SNTB1: variants seen among roughly 807,000 people sequenced by gnomAD.
SNTB1 encodes the protein syntrophin beta 1.
Under a neutral mutation model 48.9 loss-of-function variants are expected in SNTB1, and 36 were observed. That is an observed-to-expected ratio of 0.74 (90% CI 0.56 to 0.97). The LOEUF (loss-of-function observed/expected upper bound fraction) is 0.97, where lower values mean the gene tolerates loss of function less well. Ranked by LOEUF, SNTB1 falls within the 50% of genes least tolerant of loss-of-function variation. The probability of loss-of-function intolerance (pLI) is 0.00; values close to 1 mark genes in which losing one functional copy is unlikely to be tolerated. For synonymous variants in SNTB1, 299 were observed against 294.6 expected, an observed-to-expected ratio of 1.01 and a Z score of -0.15; for missense variants, 786 against 703.4, an observed-to-expected ratio of 1.12 and a Z score of -1.33.
intron 1 of SNTB1, among the ~76,000 whole-genome samples, chr8:120,753,256 G>A (rs2130040179): frequency 6.6e-6 from 1 of 152,260 alleles, no homozygotes; most frequent in Non-Finnish European, 1.5e-5. Flanking sequence ...CCACCCACAT[G>A]CTAGGTTCCT....
At chr8:120,754,270 A>AG (rs1819275321) in intron 1 of SNTB1, among the ~76,000 whole-genome samples, 1 of 152,134 alleles carries the variant, frequency 6.6e-6, no homozygotes, top group Non-Finnish European at 1.5e-5. Flanking sequence ...AGGCAGGTGG[A>AG]TTGCTTGAGT....
chr8:120,673,995 T>C (rs771213497), intron 2 of SNTB1, among the ~76,000 whole-genome samples: 18 of 152,292 alleles, frequency 1.2e-4, no homozygotes, highest in Middle Eastern at 3.4e-3. Context: ...GTGGCCATAG[T>C]TGGAGAATAT....
rs201321178 is a variant in SNTB1, at chr8:120,669,446, T to G, written c.788+24246A>C. On this transcript the variant is annotated intron_variant, in intron 2 of 6. Coordinates refer to ENST00000517992, the MANE Select transcript of SNTB1 (RefSeq NM_021021.4). The stretch of plus-strand genomic sequence containing the variant: ...TCTATTCAAAATGAAAATGCTTGTT[T>G]TTTTTTTTTTTTTTTTTGAGACGGA... Among the ~76,000 whole-genome samples, 2 of 34,934 alleles carry G rather than the reference T, an allele frequency of 5.7e-5. 1 individual carries two copies. Among genetic ancestry groups the G allele is most frequent in the Non-Finnish European group, 9.3e-5 (2 of 21,494 alleles). 22.9% of individuals were successfully genotyped at this position (34,934 alleles called of 152,430 possible). A position where few individuals can be genotyped will look rare whatever the true frequency, so the allele number is the denominator to read the frequency against.
At chr8:120,677,565 T>C (rs1482694389) in intron 2 of SNTB1, among the ~76,000 whole-genome samples, 1 of 152,130 alleles carries the variant, frequency 6.6e-6, no homozygotes, top group African/African-American at 2.4e-5. Flanking sequence ...TCTTAACACA[T>C]CTTCATGATA....
intron 1 of SNTB1, among the ~76,000 whole-genome samples, chr8:120,696,761 A>C (rs539869792): frequency 6.6e-6 from 1 of 152,328 alleles, no homozygotes; most frequent in East Asian, 1.9e-4. Flanking sequence ...TGATGCTCAG[A>C]ATTTTAGCTT....
At chr8:120,547,257 C>A (rs549346104) in intron 5 of SNTB1, among the ~76,000 whole-genome samples, 2 of 152,146 alleles carry the variant, frequency 1.3e-5, no homozygotes, top group South Asian at 4.1e-4. Flanking sequence ...TTTTAAAATG[C>A]TGGTCTTGCC....
Position 120,536,145 on chromosome 8 carries a change from T to C in SNTB1, c.*2732A>G, listed in dbSNP as rs1815198700. The C allele has an allele frequency of 6.6e-6, 1 of 152,226 alleles. No homozygotes were observed. The highest frequency in any genetic ancestry group is 1.5e-5 in the Non-Finnish European group (1 of 68,036). 9.4% of individuals were successfully genotyped at this position (152,226 alleles called of 1,614,324 possible). ...TCAGAGAAAGAAAAACCAATATCTATATTCCTATTGGCCTTCTTTAAATCC... is the reference window on the plus strand; with the variant it reads ...TCAGAGAAAGAAAAACCAATATCTACATTCCTATTGGCCTTCTTTAAATCC... On this transcript the variant is annotated 3_prime_UTR_variant, in exon 7 of 7. Coordinates refer to ENST00000517992, the MANE Select transcript of SNTB1 (RefSeq NM_021021.4).
At chr8:120,719,989 T>C (rs1365801916) in intron 1 of SNTB1, among the ~76,000 whole-genome samples, 1 of 152,238 alleles carries the variant, frequency 6.6e-6, no homozygotes, top group East Asian at 1.9e-4. Context: ...AATTTTATAC[T>C]TCCTTCCAGG....
intron 1 of SNTB1, among the ~76,000 whole-genome samples, chr8:120,729,510 G>A (rs1818817734): frequency 6.6e-6 from 1 of 152,202 alleles, no homozygotes; most frequent in African/African-American, 2.4e-5. Flanking sequence ...AAATATTCTG[G>A]AAGAGACTGT....
Position 120,538,424 on chromosome 8 carries a change from C to A in SNTB1, c.*453G>T. The A allele has an allele frequency of 5.0e-6, 1 of 200,024 alleles. No homozygotes were observed. Among genetic ancestry groups the A allele is most frequent in the East Asian group, 1.1e-4 (1 of 9,460 alleles). The allele number at this position is 200,024 out of a possible 1,614,324, so 12.4% of individuals were successfully genotyped here. On this transcript the variant is annotated 3_prime_UTR_variant, in exon 7 of 7. Transcript: ENST00000517992. ...TCAGCAAGAATTAGGAAATAAATCA[C>A]AATAAGAAAAGGGATCACTGTTACT... is the stretch of plus-strand genomic sequence containing the variant.
intron 2 of SNTB1, chr8:120,654,925 A>C: frequency 2.2e-6 from 1 of 455,360 alleles, no homozygotes; most frequent in Non-Finnish European, 4.4e-6. Flanking sequence ...GAAACTAGTC[A>C]GGAGGATGAA....
chr8:120,763,811 GC>G (rs1819468692), intron 1 of SNTB1, among the ~76,000 whole-genome samples: 1 of 148,130 alleles, frequency 6.8e-6, no homozygotes. Context: ...TATTATGTGA[GC>G]AAACACCAAA....
At chr8:120,771,378 G>A (rs1819625286) in intron 1 of SNTB1, among the ~76,000 whole-genome samples, 1 of 152,184 alleles carries the variant, frequency 6.6e-6, no homozygotes, top group African/African-American at 2.4e-5. Flanking sequence ...GAAGAAAAAT[G>A]CACCTGACAA....
intron 3 of SNTB1, among the ~76,000 whole-genome samples, chr8:120,618,724 T>C (rs1323562914): frequency 6.6e-6 from 1 of 152,250 alleles, no homozygotes; most frequent in Non-Finnish European, 1.5e-5. Flanking sequence ...TTCTGGTTTC[T>C]GGCTGTTGGA....
intron 6 of SNTB1, among the ~76,000 whole-genome samples, chr8:120,540,517 G>C (rs1015903976): frequency 2.0e-5 from 3 of 152,160 alleles, no homozygotes; most frequent in African/African-American, 7.2e-5. Context: ...TTTCCACTTT[G>C]CTAGAGAGTA....
intron 1 of SNTB1, among the ~76,000 whole-genome samples, chr8:120,792,100 A>G (rs561126525): frequency 7.5e-6 from 1 of 133,928 alleles, no homozygotes; most frequent in East Asian, 2.0e-4. Flanking sequence ...GTACTAAAGA[A>G]GCACACACAC....
intron 1 of SNTB1, among the ~76,000 whole-genome samples, chr8:120,716,715 A>G (rs1818564422): frequency 6.6e-6 from 1 of 152,220 alleles, no homozygotes. Context: ...AGAGGAACTA[A>G]GCATCACACT....
intron 2 of SNTB1, among the ~76,000 whole-genome samples, chr8:120,690,418 C>A (rs1010695231): frequency 6.6e-6 from 1 of 152,098 alleles, no homozygotes; most frequent in Non-Finnish European, 1.5e-5. Flanking sequence ...CTGTCTATTT[C>A]TTCTTGCATC....
chr8:120,803,958 A>T (rs1820279949), intron 1 of SNTB1, among the ~76,000 whole-genome samples: 2 of 152,164 alleles, frequency 1.3e-5, no homozygotes, highest in African/African-American at 4.8e-5. Context: ...TACCTTTTGT[A>T]ATCATGTCTG....
Sources: allele counts gnomAD v4.1 joint callset (sites outside exome capture counted in the v4.1 genomes callset), GRCh38; gene constraint gnomAD v4.1.1; transcripts MANE v1.5; gene names NCBI Gene and HGNC (gene_info 2026-07-23, HGNC 2026-07-21).